Variants in RYR2 observed in about 807,000 individuals in gnomAD.
RYR2 encodes the protein cardiac muscle ryanodine receptor-calcium release channel.
Under a neutral mutation model 601.1 loss-of-function variants are expected in RYR2, and 227 were observed. The ratio of observed to expected loss-of-function variants is 0.38; its 90% confidence interval spans 0.34 to 0.42. The LOEUF (loss-of-function observed/expected upper bound fraction) is 0.42, where lower values mean the gene tolerates loss of function less well. RYR2 is among the 10% of genes least tolerant of loss of function. The probability of loss-of-function intolerance (pLI) is 1.00; values close to 1 mark genes in which losing one functional copy is unlikely to be tolerated. For missense variants in RYR2, 4,646 were observed against 6,156.5 expected, an observed-to-expected ratio of 0.75 and a Z score of 8.21; for synonymous variants, 2,223 against 2,175.1, an observed-to-expected ratio of 1.02 and a Z score of -0.61.
chr1:237,718,347 A>G lies in RYR2; in HGVS notation c.10495-115A>G, dbSNP rs1397654567. ...CCCCAAATTTGTAGCATGTAATTTT[A>G]TAAAGATGTTTCTCAGACGTATACT... On this transcript the variant is annotated intron_variant, in intron 72 of 104. Transcript: ENST00000366574. 1.0e-4 allele frequency: 52 copies of G among 509,490 alleles called. No individual in the cohort carries two copies. The East Asian group carries it at 1.6e-3, about 16-fold the overall frequency. 31.6% of individuals were successfully genotyped at this position (509,490 alleles called of 1,614,324 possible).
rs1192277331 is a variant in RYR2, at chr1:237,645,941, G to A, written c.7342+2494G>A. 2.5e-4 allele frequency among the ~76,000 whole-genome samples: 38 copies of A among 149,778 alleles called. No individual in the cohort carries two copies. The East Asian group carries it at 3.6e-3, about 14-fold the overall frequency. On this transcript the variant is annotated intron_variant, in intron 48 of 104. Transcript: ENST00000366574. ...GCCCAGGCTGGAATGCAGTGGCGCAGTCTTGGCTCACTGCAAGCTCCGCCT... is the reference window on the plus strand; with the variant it reads ...GCCCAGGCTGGAATGCAGTGGCGCAATCTTGGCTCACTGCAAGCTCCGCCT...
chr1:237,797,360 G>A (rs1434835174), intron 96 of RYR2, among the ~76,000 whole-genome samples: 13 of 151,180 alleles, frequency 8.6e-5, no homozygotes, highest in Non-Finnish European at 1.6e-4. Flanking sequence ...TGACAAGGTT[G>A]CAGGTCCTGG....
Position 237,705,287 on chromosome 1 carries a change from T to G in RYR2, c.9524T>G (p.Leu3175Arg). 6.2e-7 allele frequency: 1 copy of G among 1,604,872 alleles called. No individual in the cohort carries two copies. Among genetic ancestry groups the G allele is most frequent in the Non-Finnish European group, 8.5e-7 (1 of 1,174,698 alleles). Residue 3175 changes from leucine (L) to arginine (R), a missense_variant, in exon 67 of 105, where the codon CTG (leucine) becomes CGG (arginine). This residue lies in a region of RYR2 where 1,497 missense variants were observed against 1,842.6 expected (regional missense o/e 0.81). Coordinates refer to ENST00000366574, the MANE Select transcript of RYR2 (RefSeq NM_001035.3). ...CCTGTAGCATTTTTGGAAACTCATC[T>G]GGACAAACATAATATTTACTCCATC... ...AFPVAFLETH[L>R]DKHNIYSIYN...
intron 43 of RYR2, 109 bp downstream of exon 43, chr1:237,633,819 A>G (rs1680588131): frequency 1.9e-6 from 2 of 1,056,944 alleles, no homozygotes; most frequent in Non-Finnish European, 2.6e-6. Context: ...TAGACATTTC[A>G]CAAAAGAAGA....
At chr1:237,436,005 A>G (rs10925415) in intron 12 of RYR2, among the ~76,000 whole-genome samples, 86,235 of 151,968 alleles carry the variant, frequency 0.57, 25,018 homozygotes, top group East Asian at 0.71. Context: ...CACAGGTGGT[A>G]AGGAAGAGAG....
chr1:237,625,718 G>T lies in RYR2; in HGVS notation c.6080G>T (p.Gly2027Val), dbSNP rs2148657684. The T allele has an allele frequency of 1.2e-6, 2 of 1,613,584 alleles. No individual in the cohort carries two copies. Among genetic ancestry groups the T allele is most frequent in the Non-Finnish European group, 1.7e-6 (2 of 1,179,790 alleles). The change falls in exon 40 of 105, where the codon GGG becomes GTG. Residue 2027 changes from glycine to valine, a missense_variant. Coordinates refer to ENST00000366574, the MANE Select transcript of RYR2 (RefSeq NM_001035.3). ...LDGNSDLTIR[G>V]RLLSLVEKVT... ...GGAAACAGTGATTTAACAATTAGAGGGCGTCTGCTATCCCTGGTAGAAAAG... is the reference window on the plus strand; with the variant it reads ...GGAAACAGTGATTTAACAATTAGAGTGCGTCTGCTATCCCTGGTAGAAAAG...
chr1:237,797,156 A>AGTT (rs1415925680), intron 96 of RYR2, among the ~76,000 whole-genome samples: 1 of 152,116 alleles, frequency 6.6e-6, no homozygotes, highest in African/African-American at 2.4e-5. Flanking sequence ...TGTATCCCAG[A>AGTT]GTTGGACATA....
intron 54 of RYR2, 142 bp downstream of exon 54, chr1:237,658,164 A>G (rs984466852): frequency 1.6e-5 from 7 of 441,152 alleles, no homozygotes; most frequent in African/African-American, 8.3e-5. Flanking sequence ...CAATTAGCTT[A>G]TATAATAATA....
At chr1:237,507,976 T>C (rs561430171) in intron 23 of RYR2, among the ~76,000 whole-genome samples, 1 of 152,328 alleles carries the variant, frequency 6.6e-6, no homozygotes, top group Non-Finnish European at 1.5e-5. Flanking sequence ...TTTTTTTATT[T>C]TTTTGCTATA....
In RYR2 at chr1:237,423,125, A is replaced by G. The variant is rs1553446366; in HGVS notation, c.882A>G (p.Pro294=). 1.4e-5 allele frequency: 23 copies of G among 1,613,898 alleles called. No individual in the cohort carries two copies. The highest frequency in any genetic ancestry group is 1.9e-5 in the Non-Finnish European group (22 of 1,179,828). The part of the protein sequence containing the change: ...WSGSHIRWGQ[P]FRLRHVTTGK... ...GAAGCCACATAAGATGGGGACAGCC[A>G]TTCCGACTACGCCATGTCACAACAG... The change falls in exon 12 of 105, where the codon CCA becomes CCG. Residue 294 remains proline (P), a synonymous_variant. Transcript: ENST00000366574.
At chr1:237,377,031 C>T (rs1701093541) in intron 7 of RYR2, among the ~76,000 whole-genome samples, 1 of 152,138 alleles carries the variant, frequency 6.6e-6, no homozygotes, top group Admixed American at 6.5e-5. Flanking sequence ...GAAATCAGAT[C>T]AGTGTGAGTG....
chr1:237,553,504 T>C (rs1670602871), intron 27 of RYR2, among the ~76,000 whole-genome samples: 1 of 152,012 alleles, frequency 6.6e-6, no homozygotes, highest in Non-Finnish European at 1.5e-5. Context: ...GGGCAAGTCT[T>C]CCAACTTCTT....
At chr1:237,417,013 A>G (rs1463290322) in intron 10 of RYR2, 36 bp from the exon 11 acceptor site, 1 of 1,585,238 alleles carries the variant, frequency 6.3e-7, no homozygotes, top group Non-Finnish European at 8.7e-7. Flanking sequence ...AACATGTTTA[A>G]CTCACATTTG....
intron 10 of RYR2, among the ~76,000 whole-genome samples, chr1:237,408,515 T>C (rs533488441): frequency 6.6e-6 from 1 of 151,858 alleles, no homozygotes; most frequent in East Asian, 1.9e-4. Context: ...TTCTAGGCTC[T>C]CTATTCTGTT....
At chr1:237,733,325 G>A (rs1690857596) in intron 78 of RYR2, among the ~76,000 whole-genome samples, 1 of 152,038 alleles carries the variant, frequency 6.6e-6, no homozygotes, top group Non-Finnish European at 1.5e-5. Flanking sequence ...ATAATTTGGG[G>A]ACTCTTTCCA....
chr1:237,713,523 A>G (rs1309985336), intron 71 of RYR2, among the ~76,000 whole-genome samples: 5 of 152,042 alleles, frequency 3.3e-5, no homozygotes, highest in Non-Finnish European at 5.9e-5. Flanking sequence ...CAGCCTCCCA[A>G]GTAGCTGGGA....
At position 237,707,194 on chromosome 1, in the gene RYR2, C is replaced by G; in HGVS notation, c.9826C>G (p.Leu3276Val). The G allele has an allele frequency of 1.2e-6, 2 of 1,605,456 alleles. No homozygotes were observed. The highest frequency in any genetic ancestry group is 1.7e-6 in the Non-Finnish European group (2 of 1,173,290). The change falls in exon 68 of 105, where the codon CTT becomes GTT. Residue 3276 changes from leucine (L) to valine (V), a missense_variant. By Grantham distance (32) the Leu-to-Val change is conservative. Transcript: ENST00000366574. ...CCTGAACTCAGAGCACATGAACACACTTCTAGGGAACATATTGAAAATCAT... is the reference window on the plus strand; with the variant it reads ...CCTGAACTCAGAGCACATGAACACAGTTCTAGGGAACATATTGAAAATCAT... The part of the protein sequence containing the change: ...TALNSEHMNT[L>V]LGNILKIIYN...
intron 35 of RYR2, among the ~76,000 whole-genome samples, chr1:237,603,332 G>A (rs1676719087): frequency 6.6e-6 from 1 of 152,108 alleles, no homozygotes; most frequent in African/African-American, 2.4e-5. Flanking sequence ...GAGGCCCCTG[G>A]TGCCCCCCTG....
chr1:237,329,397 T>G (rs1696490754), intron 2 of RYR2, among the ~76,000 whole-genome samples: 1 of 151,998 alleles, frequency 6.6e-6, no homozygotes, highest in Non-Finnish European at 1.5e-5. Flanking sequence ...ATCCCAGCAC[T>G]TTGGGAGGCC....
Sources: gnomAD v4.1 joint callset for allele counts (sites outside exome capture counted in the v4.1 genomes callset) on GRCh38, gnomAD v4.1.1 for gene constraint, gnomAD v4.1.1 regional missense constraint, MANE v1.5 for transcripts, NCBI Gene and HGNC (gene_info 2026-07-23, HGNC 2026-07-21) for gene names.